Variants in CNIH3 observed in about 807,000 individuals in gnomAD.
CNIH3 encodes the protein protein cornichon homolog 3.
Under a neutral mutation model 24.1 loss-of-function variants are expected in CNIH3, and 14 were observed. That is an observed-to-expected ratio of 0.58 (90% CI 0.38 to 0.91). CNIH3 has a LOEUF of 0.91. Ranked by LOEUF, CNIH3 falls within the 40% of genes least tolerant of loss-of-function variation. The probability of loss-of-function intolerance (pLI) is 0.00; values close to 1 mark genes in which losing one functional copy is unlikely to be tolerated. For missense variants in CNIH3, 178 were observed against 196.8 expected (o/e 0.90, Z 0.57); for synonymous variants, 68 against 73.8 (o/e 0.92, Z 0.40).
At chr1:224,666,033 C>G (rs902368998) in intron 1 of CNIH3, among the ~76,000 whole-genome samples, 1 of 152,070 alleles carries the variant, frequency 6.6e-6, no homozygotes, top group African/African-American at 2.4e-5. Context: ...GGCAGCTTTC[C>G]CAAGGAGTTC....
At chr1:224,600,790 G>A (rs535736609) in intron 3 of CNIH3, among the ~76,000 whole-genome samples, 12 of 152,186 alleles carry the variant, frequency 7.9e-5, no homozygotes, top group African/African-American at 2.2e-4. Flanking sequence ...AGGTAATAAA[G>A]GTTAAACGGG....
chr1:224,518,474 C>A (rs1463250653), intron 1 of CNIH3, among the ~76,000 whole-genome samples: 1 of 151,954 alleles, frequency 6.6e-6, no homozygotes, highest in Non-Finnish European at 1.5e-5. Context: ...CAGGCATGCA[C>A]CAACACACCT....
chr1:224,569,436 T>C (rs900159679), intron 4 of CNIH3, among the ~76,000 whole-genome samples: 1 of 152,192 alleles, frequency 6.6e-6, no homozygotes, highest in Non-Finnish European at 1.5e-5. Context: ...TGTGGATGAA[T>C]GTTTGCATTG....
At chr1:224,672,021 TA>T (rs1406051029) in intron 1 of CNIH3, among the ~76,000 whole-genome samples, 1 of 152,158 alleles carries the variant, frequency 6.6e-6, no homozygotes, top group Non-Finnish European at 1.5e-5. Flanking sequence ...TTATAACCAA[TA>T]AAATCACTCA....
chr1:224,467,423 TTTTGTTTG>T (rs199499330), intron 1 of CNIH3, among the ~76,000 whole-genome samples: 1 of 152,050 alleles, frequency 6.6e-6, no homozygotes, highest in Non-Finnish European at 1.5e-5. Context: ...GGATCATAGT[TTTTGTTTG>T]TTTGTTTGTT....
chr1:224,543,026 G>C (rs896038153), intron 2 of CNIH3, among the ~76,000 whole-genome samples: 3 of 152,184 alleles, frequency 2.0e-5, no homozygotes, highest in Admixed American at 2.0e-4. Context: ...GATGTGGGTA[G>C]GCTGAGTCAG....
intron 4 of CNIH3, among the ~76,000 whole-genome samples, chr1:224,582,197 G>T (rs1039006209): frequency 6.6e-6 from 1 of 152,050 alleles, no homozygotes; most frequent in African/African-American, 2.4e-5. Context: ...TCCTTTCTTT[G>T]TGCCTCCTCC....
At chr1:224,676,832 G>A (rs939331579) in intron 1 of CNIH3, among the ~76,000 whole-genome samples, 1 of 152,228 alleles carries the variant, frequency 6.6e-6, no homozygotes, top group African/African-American at 2.4e-5. Flanking sequence ...AGACAGGTCA[G>A]GAGGCTGAAA....
chr1:224,464,369 G>T (rs1409516327), intron 1 of CNIH3, among the ~76,000 whole-genome samples: 1 of 150,318 alleles, frequency 6.7e-6, no homozygotes, highest in Non-Finnish European at 1.5e-5. Context: ...AGGCTCAAGG[G>T]ATCCTCCTGC....
chr1:224,526,780 C>T (rs1016836744), intron 2 of CNIH3, among the ~76,000 whole-genome samples: 1 of 152,172 alleles, frequency 6.6e-6, no homozygotes, highest in Non-Finnish European at 1.5e-5. Flanking sequence ...GCAGGCTGTA[C>T]AGGAGGCATA....
At chr1:224,508,721 A>G (rs1029750116) in intron 1 of CNIH3, among the ~76,000 whole-genome samples, 3 of 152,236 alleles carry the variant, frequency 2.0e-5, no homozygotes, top group Non-Finnish European at 2.9e-5. Context: ...AATATAGTAC[A>G]ACTCTAACTT....
At chr1:224,671,901 C>T (rs1481608597) in intron 1 of CNIH3, among the ~76,000 whole-genome samples, 1 of 152,186 alleles carries the variant, frequency 6.6e-6, no homozygotes, top group African/African-American at 2.4e-5. Context: ...TCAGAGATGA[C>T]TAAGCAAACA....
At chr1:224,459,965 T>A (rs1348252788) in intron 1 of CNIH3, among the ~76,000 whole-genome samples, 1 of 150,036 alleles carries the variant, frequency 6.7e-6, no homozygotes, top group Non-Finnish European at 1.5e-5. Context: ...CAGCCTCAAC[T>A]TCCTGGGCTC....
chr1:224,619,646 G>A (rs1185018318), intron 1 of CNIH3, among the ~76,000 whole-genome samples: 1 of 152,158 alleles, frequency 6.6e-6, no homozygotes, highest in Non-Finnish European at 1.5e-5. Flanking sequence ...TAGTTACATG[G>A]TAGTAATTAT....
intron 1 of CNIH3, among the ~76,000 whole-genome samples, chr1:224,454,579 G>A (rs1191657108): frequency 6.6e-6 from 1 of 152,140 alleles, no homozygotes; most frequent in Admixed American, 6.5e-5. Context: ...AGGTGAGGAA[G>A]GCTGCCCTTA....
At chr1:224,590,569 A>G (rs1472237390), downstream of CNIH3, among the ~76,000 whole-genome samples, 1 of 152,154 alleles carries the variant, frequency 6.6e-6, no homozygotes, top group East Asian at 1.9e-4. Context: ...GTATCATCAC[A>G]TGGCAGAAGG....
intron 2 of CNIH3, among the ~76,000 whole-genome samples, chr1:224,530,109 G>A (rs932637511): frequency 2.6e-5 from 4 of 152,202 alleles, no homozygotes; most frequent in Admixed American, 2.6e-4. Context: ...TGGGAAGTCT[G>A]GAACCTGGGC....
chr1:224,493,112 CA>C (rs1267522441), intron 1 of CNIH3, among the ~76,000 whole-genome samples: 1 of 152,142 alleles, frequency 6.6e-6, no homozygotes, highest in Non-Finnish European at 1.5e-5. Flanking sequence ...CACCAGTTGA[CA>C]AAGGTACTTT....
chr1:224,666,396 G>T (rs1685599417), intron 1 of CNIH3, among the ~76,000 whole-genome samples: 2 of 152,190 alleles, frequency 1.3e-5, no homozygotes, highest in African/African-American at 4.8e-5. Context: ...TACTGTGGTT[G>T]CTATTTTTCC....
Sources: allele counts gnomAD v4.1 joint callset (sites outside exome capture counted in the v4.1 genomes callset), GRCh38; gene constraint gnomAD v4.1.1; transcripts MANE v1.5; gene names NCBI Gene and HGNC (gene_info 2026-07-23, HGNC 2026-07-21).